Variants in IMPG1 observed in about 807,000 individuals in gnomAD.
The protein encoded by IMPG1 is interphotoreceptor matrix proteoglycan 1.
In IMPG1, 85 loss-of-function variants were observed where a neutral mutation model predicts 92.0. That is an observed-to-expected ratio of 0.92 (90% confidence interval 0.78 to 1.11). The LOEUF (loss-of-function observed/expected upper bound fraction) is 1.11, where lower values mean the gene tolerates loss of function less well. IMPG1 is among the 50% of genes least tolerant of loss of function. The pLI, the probability that IMPG1 is intolerant of heterozygous loss-of-function variation, is 0.00. For synonymous variants in IMPG1, 367 were observed against 334.1 expected (o/e 1.10, Z -1.08); for missense variants, 1,022 against 956.0 (o/e 1.07, Z -0.91).
intron 12 of IMPG1, among the ~76,000 whole-genome samples, chr6:75,988,143 G>A (rs887290525): frequency 1.3e-5 from 2 of 152,124 alleles, no homozygotes; most frequent in African/African-American, 4.8e-5. Flanking sequence ...ACCTACTAAT[G>A]GGATGGCTGG....
At chr6:76,003,611 C>G (rs1289690717) in intron 11 of IMPG1, among the ~76,000 whole-genome samples, 2 of 152,010 alleles carry the variant, frequency 1.3e-5, no homozygotes, top group Non-Finnish European at 2.9e-5. Context: ...CAGAGCCCAT[C>G]CTGATTCTAA....
At chr6:76,057,969 AAAAAT>A (rs142036504) in intron 1 of IMPG1, among the ~76,000 whole-genome samples, 122,178 of 150,730 alleles carry the variant, frequency 0.81, 51,921 homozygotes, top group Non-Finnish European at 0.94. Context: ...GTGCTTCAGT[AAAAAT>A]AAAATAAAAT....
chr6:75,967,567 T>G (rs1782328226), intron 12 of IMPG1, among the ~76,000 whole-genome samples: 1 of 152,192 alleles, frequency 6.6e-6, no homozygotes, highest in Non-Finnish European at 1.5e-5. Context: ...AATCACCCAG[T>G]ATGAGGTATT....
At position 76,042,019 on chromosome 6, in the gene IMPG1, G is replaced by C. The variant is rs200651043; in HGVS notation, c.175C>G (p.Arg59Gly). The change falls in exon 2 of 17, where the codon CGA becomes GGA. Residue 59 changes from arginine (R) to glycine (G), a missense_variant. By Grantham distance (125) the Arg-to-Gly change is moderately radical. Coordinates refer to ENST00000369950, the MANE Select transcript of IMPG1 (RefSeq NM_001563.4). ...EKMYKMSTMR[R>G]IFDLAKHRTK... ...CGATGCTTTGCCAAATCGAATATTC[G>C]TCTCATAGTTGACATTTTGTACATT... 1.2e-5 allele frequency: 20 copies of C among 1,612,216 alleles called. 1 individual carries two copies. The South Asian group carries it at 1.9e-4, about 15-fold the overall frequency.
At chr6:76,006,493 C>CAT (rs1455706781) in intron 9 of IMPG1, among the ~76,000 whole-genome samples, 5 of 138,040 alleles carry the variant, frequency 3.6e-5, no homozygotes, top group South Asian at 2.3e-4. Flanking sequence ...TATATACACA[C>CAT]ATATATATAC....
At chr6:75,934,750 C>T (rs1317098885) in intron 14 of IMPG1, among the ~76,000 whole-genome samples, 1 of 152,156 alleles carries the variant, frequency 6.6e-6, no homozygotes, top group Non-Finnish European at 1.5e-5. Context: ...CAGAAGGTCT[C>T]ACTCCTTTTT....
intron 1 of IMPG1, among the ~76,000 whole-genome samples, chr6:76,048,490 C>A (rs1483924627): frequency 3.3e-5 from 5 of 152,176 alleles, no homozygotes; most frequent in Non-Finnish European, 1.5e-5. Context: ...GCTTTGCCTC[C>A]TGTGACTATT....
At chr6:76,036,805 C>G (rs1783749183) in intron 2 of IMPG1, among the ~76,000 whole-genome samples, 1 of 21,204 alleles carries the variant, frequency 4.7e-5, no homozygotes, top group Admixed American at 4.7e-4. Context: ...ATGGTAGATT[C>G]TACTAGATAC....
chr6:76,021,785 A>ATATATATATATATATATATT (rs1783429320), intron 6 of IMPG1, among the ~76,000 whole-genome samples: 1 of 135,356 alleles, frequency 7.4e-6, no homozygotes, highest in Non-Finnish European at 1.6e-5. Flanking sequence ...GAGCATATAT[A>ATATATATATATATATATATT]TATATATATA....
At chr6:76,042,191 G>A in intron 1 of IMPG1, 65 bp from the exon 2 acceptor site, 1 of 851,514 alleles carries the variant, frequency 1.2e-6, no homozygotes, top group South Asian at 1.5e-5. Flanking sequence ...GACATATATG[G>A]ATAAATGACT....
At chr6:76,065,227 G>A (rs189896826) in intron 1 of IMPG1, among the ~76,000 whole-genome samples, 5 of 151,896 alleles carry the variant, frequency 3.3e-5, no homozygotes, top group Non-Finnish European at 7.4e-5. Context: ...CTCCCACAAT[G>A]GATCTTAACC....
intron 11 of IMPG1, 128 bp downstream of exon 11, chr6:76,003,746 A>G: frequency 1.5e-6 from 1 of 671,306 alleles, no homozygotes; most frequent in Non-Finnish European, 2.5e-6. Flanking sequence ...CTTGTAAAAA[A>G]CAGAAAAGAA....
In IMPG1 at chr6:76,034,615, G is replaced by T; in HGVS notation, c.468+6C>A. ...TTCCAAATAACCATGTGGTGTTTAGGCTCACCTGCTGGAGAAGATCCAGGT... is the reference window on the plus strand; with the variant it reads ...TTCCAAATAACCATGTGGTGTTTAGTCTCACCTGCTGGAGAAGATCCAGGT... On this transcript the variant is annotated splice_donor_region_variant and intron_variant, in intron 3 of 16. Transcript: ENST00000369950. The T allele has an allele frequency of 6.2e-7, 1 of 1,613,948 alleles. No homozygotes were observed. Among genetic ancestry groups the T allele is most frequent in the South Asian group, 1.1e-5 (1 of 91,060 alleles).
chr6:75,990,776 A>G (rs919929108), intron 12 of IMPG1, among the ~76,000 whole-genome samples: 6 of 152,298 alleles, frequency 3.9e-5, no homozygotes, highest in African/African-American at 1.4e-4. Flanking sequence ...GCAACTTGCA[A>G]TCTACTGACA....
At chr6:76,051,886 T>G (rs1033558162) in intron 1 of IMPG1, among the ~76,000 whole-genome samples, 1 of 152,116 alleles carries the variant, frequency 6.6e-6, no homozygotes, top group African/African-American at 2.4e-5. Context: ...GTTAGGACCT[T>G]GGCAAACCCT....
intron 6 of IMPG1, among the ~76,000 whole-genome samples, chr6:76,019,780 T>C (rs1054732007): frequency 6.6e-5 from 10 of 152,246 alleles, no homozygotes; most frequent in African/African-American, 2.4e-4. Flanking sequence ...TTTAGAAGTA[T>C]TCCATTTTGT....
At chr6:75,924,262 A>T (rs1379075314) in intron 15 of IMPG1, among the ~76,000 whole-genome samples, 1 of 147,290 alleles carries the variant, frequency 6.8e-6, no homozygotes, top group Non-Finnish European at 1.5e-5. Flanking sequence ...AAGAAAATGA[A>T]ATCAGTATAT....
chr6:75,961,151 G>A (rs1404332655), intron 12 of IMPG1, among the ~76,000 whole-genome samples: 2 of 152,174 alleles, frequency 1.3e-5, no homozygotes, highest in African/African-American at 2.4e-5. Context: ...AACAAGTACA[G>A]ATGAAAGGCT....
intron 1 of IMPG1, among the ~76,000 whole-genome samples, chr6:76,048,845 A>G (rs917018979): frequency 6.6e-6 from 1 of 152,236 alleles, no homozygotes; most frequent in Non-Finnish European, 1.5e-5. Flanking sequence ...CAGTCCCATT[A>G]CTGCATATAC....
Sources: allele counts gnomAD v4.1 joint callset (sites outside exome capture counted in the v4.1 genomes callset), GRCh38; gene constraint gnomAD v4.1.1; transcripts MANE v1.5; gene names NCBI Gene and HGNC (gene_info 2026-07-23, HGNC 2026-07-21).